CAMK4: variants seen among roughly 807,000 people sequenced by gnomAD.
CAMK4 encodes calcium/calmodulin dependent protein kinase IV, also known as calcium/calmodulin-dependent protein kinase type IV.
In CAMK4, 22 loss-of-function variants were observed where a neutral mutation model predicts 44.9. The ratio of observed to expected loss-of-function variants is 0.49; its 90% CI spans 0.35 to 0.70. The LOEUF (loss-of-function observed/expected upper bound fraction) is 0.70, where lower values mean the gene tolerates loss of function less well. CAMK4 is among the 30% of genes least tolerant of loss of function. The pLI is 0.01. For missense variants in CAMK4, 498 were observed against 586.8 expected (o/e 0.85, Z 1.56); for synonymous variants, 218 against 215.4 (o/e 1.01, Z -0.11).
In CAMK4 at chr5:111,241,125, CT is replaced by C. The variant is rs34428589; in HGVS notation, c.161+16495del. 9.7e-3 allele frequency among the ~76,000 whole-genome samples: 1,384 copies of C among 142,348 alleles called. 10 individuals carry two copies. The highest frequency in any genetic ancestry group is 0.036 in the South Asian group (161 of 4,456). 93.4% of individuals were successfully genotyped at this position (142,348 alleles called of 152,430 possible). On this transcript the variant is annotated intron_variant, in intron 1 of 10. Transcript: ENST00000282356. The stretch of plus-strand genomic sequence containing the variant: ...TTTATTTGAATAATAATAATTATGA[CT>C]TTTTTTTTTTTTTACTATTAACTAA...
At chr5:111,285,571 T>C (rs1207886975) in intron 1 of CAMK4, among the ~76,000 whole-genome samples, 1 of 152,208 alleles carries the variant, frequency 6.6e-6, no homozygotes, top group Admixed American at 6.5e-5. Context: ...ATGGATGTAA[T>C]TTCTTAATTC....
At chr5:111,416,769 A>G (rs1343936455) in intron 5 of CAMK4, among the ~76,000 whole-genome samples, 1 of 152,262 alleles carries the variant, frequency 6.6e-6, no homozygotes, top group African/African-American at 2.4e-5. Flanking sequence ...AAATTTCATT[A>G]TAATTTGAAG....
intron 1 of CAMK4, chr5:111,302,105 A>T (rs1446437995): frequency 3.9e-5 from 6 of 152,208 alleles, no homozygotes; most frequent in Non-Finnish European, 5.9e-5. Flanking sequence ...AAGAAATCTT[A>T]AAACATTTTA....
chr5:111,330,088 CA>C (rs376416592), intron 1 of CAMK4, among the ~76,000 whole-genome samples: 59,100 of 144,750 alleles, frequency 0.41, 12,719 homozygotes, highest in South Asian at 0.55. Context: ...TTCTACTCCC[CA>C]CCACCCCTAC....
chr5:111,308,540 T>G (rs1249363742), intron 1 of CAMK4, among the ~76,000 whole-genome samples: 1 of 152,322 alleles, frequency 6.6e-6, no homozygotes, highest in Non-Finnish European at 1.5e-5. Flanking sequence ...AGATGAAACT[T>G]AAAAATTAAT....
chr5:111,303,215 C>G (rs1373379638), intron 1 of CAMK4, among the ~76,000 whole-genome samples: 1 of 109,250 alleles, frequency 9.2e-6, no homozygotes, highest in Admixed American at 1.0e-4. Flanking sequence ...AACGCAGTTC[C>G]TCACCAGCAA....
At chr5:111,387,881 G>C (rs1175507974) in intron 4 of CAMK4, among the ~76,000 whole-genome samples, 1 of 152,160 alleles carries the variant, frequency 6.6e-6, no homozygotes, top group Admixed American at 6.6e-5. Context: ...TAAATTGCAA[G>C]ATTTCATTTT....
intron 1 of CAMK4, among the ~76,000 whole-genome samples, chr5:111,340,754 G>A (rs901784318): frequency 4.6e-5 from 7 of 151,086 alleles, no homozygotes; most frequent in African/African-American, 9.7e-5. Context: ...TTCAGTTTTT[G>A]AAAGAGTTTG....
Position 111,330,078 on chromosome 5 carries a change from T to A in CAMK4, c.162-13946T>A, listed in dbSNP as rs1175838460. ...TTTTTTTTGGTAGAAGTCCTCAGAA[T>A]TCTACTCCCCACCACCCCTACAAAA... On this transcript the variant is annotated intron_variant, in intron 1 of 10. Transcript: ENST00000282356. 2.3e-5 allele frequency among the ~76,000 whole-genome samples: 3 copies of A among 128,514 alleles called. 1 individual carries two copies. Among genetic ancestry groups the A allele is most frequent in the Non-Finnish European group, 5.2e-5 (3 of 57,444 alleles). The allele number at this position is 128,514 out of a possible 152,430, so 84.3% of individuals were successfully genotyped here.
chr5:111,348,343 T>A (rs2112764358), intron 2 of CAMK4, among the ~76,000 whole-genome samples: 1 of 152,138 alleles, frequency 6.6e-6, no homozygotes, highest in East Asian at 1.9e-4. Flanking sequence ...GCACCAGCTC[T>A]TGTGGAGAAA....
chr5:111,273,734 C>CAT (rs1561378108), intron 1 of CAMK4, among the ~76,000 whole-genome samples: 8 of 125,428 alleles, frequency 6.4e-5, no homozygotes, highest in African/African-American at 2.5e-4. Context: ...CACATACATA[C>CAT]ACACACACAC....
chr5:111,225,362 C>A (rs1370755696), intron 1 of CAMK4, among the ~76,000 whole-genome samples: 1 of 152,222 alleles, frequency 6.6e-6, no homozygotes, highest in Non-Finnish European at 1.5e-5. Flanking sequence ...CCTATCCCTC[C>A]TCTGAAGATC....
chr5:111,400,022 C>A (rs1252613998), intron 5 of CAMK4, among the ~76,000 whole-genome samples: 1 of 152,090 alleles, frequency 6.6e-6, no homozygotes, highest in African/African-American at 2.4e-5. Flanking sequence ...ATAGGGGTGC[C>A]CCACATAACA....
chr5:111,285,490 T>A (rs1751203969), intron 1 of CAMK4, among the ~76,000 whole-genome samples: 1 of 152,212 alleles, frequency 6.6e-6, no homozygotes, highest in Non-Finnish European at 1.5e-5. Flanking sequence ...ATAAACACAC[T>A]TAAAAGTGCT....
chr5:111,446,778 T>G lies in CAMK4; in HGVS notation c.550+2T>G. 3 of 1,583,454 alleles carry G rather than the reference T, an allele frequency of 1.9e-6. No homozygotes were observed. ...CCCCAGATGCACCACTCAAAATCGG[T>G]GAGAACATTTCTTCTTGTTTTGTGA... On this transcript the variant is annotated splice_donor_variant, in intron 6 of 10. Transcript: ENST00000282356. LOFTEE classifies it high-confidence loss of function.
At chr5:111,256,581 G>A (rs1188741827) in intron 1 of CAMK4, among the ~76,000 whole-genome samples, 1 of 152,056 alleles carries the variant, frequency 6.6e-6, no homozygotes, top group Non-Finnish European at 1.5e-5. Context: ...TTTGAAATGG[G>A]CCAATAGTTT....
chr5:111,375,529 G>A (rs974263598), intron 3 of CAMK4, among the ~76,000 whole-genome samples: 20 of 152,118 alleles, frequency 1.3e-4, no homozygotes, highest in Non-Finnish European at 2.8e-4. Context: ...CTTCAAGAAA[G>A]CATTTTTGCC....
intron 5 of CAMK4, among the ~76,000 whole-genome samples, chr5:111,415,941 G>T: frequency 6.6e-6 from 1 of 152,194 alleles, no homozygotes; most frequent in Non-Finnish European, 1.5e-5. Context: ...TATACAAGAA[G>T]ATGTGTGTAG....
intron 1 of CAMK4, among the ~76,000 whole-genome samples, chr5:111,238,854 C>T (rs756448975): frequency 8.4e-5 from 11 of 130,206 alleles, no homozygotes; most frequent in Non-Finnish European, 1.6e-4. Context: ...GGTGGGCTCC[C>T]TAGCATGCCT....
Sources: gnomAD v4.1 joint callset for allele counts (sites outside exome capture counted in the v4.1 genomes callset) on GRCh38, gnomAD v4.1.1 for gene constraint, MANE v1.5 for transcripts, NCBI Gene and HGNC (gene_info 2026-07-23, HGNC 2026-07-21) for gene names.